The following EYS variants were observed in gnomAD, a reference collection of about 807,000 sequenced individuals.
The protein encoded by EYS is EGF-like photoreceptor maintenance factor, also known as protein eyes shut homolog.
In EYS, 250 loss-of-function variants were observed where a neutral mutation model predicts 282.1. The observed-to-expected ratio is 0.89, with a 90% CI of 0.80 to 0.98. EYS has a LOEUF of 0.98. EYS is among the 50% of genes least tolerant of loss of function. The pLI is 0.00. For synonymous variants in EYS, 1,355 were observed against 1,282.9 expected (o/e 1.06, Z -1.20); for missense variants, 4,016 against 3,709.0 (o/e 1.08, Z -2.15).
At position 64,362,237 on chromosome 6, in the gene EYS, A is replaced by C. The variant is rs563371400; in HGVS notation, c.6078+26453T>G. Among the ~76,000 whole-genome samples, 8 of 151,956 alleles carry C rather than the reference A, an allele frequency of 5.3e-5. No individual in the cohort carries two copies. The East Asian group carries it at 1.6e-3, about 30-fold the overall frequency. On this transcript the variant is annotated intron_variant, in intron 29 of 42. Transcript: ENST00000503581. ...ACATAGAAAAATAATTTGCATAAGC[A>C]ACAAAATCTATACAGAAAATAACTA...
At chr6:63,785,019 T>C (rs1328448328) in intron 39 of EYS, among the ~76,000 whole-genome samples, 2 of 152,194 alleles carry the variant, frequency 1.3e-5, no homozygotes, top group Non-Finnish European at 2.9e-5. Context: ...CCTGAGTTTC[T>C]GGTTCAATTA....
chr6:65,062,881 A>G (rs926858264), intron 12 of EYS, among the ~76,000 whole-genome samples: 3 of 151,986 alleles, frequency 2.0e-5, no homozygotes, highest in African/African-American at 7.2e-5. Flanking sequence ...ATAGACATGC[A>G]TGTATATGGG....
chr6:65,650,335 T>C (rs1387796), intron 1 of EYS, among the ~76,000 whole-genome samples: 53,063 of 152,100 alleles, frequency 0.35, 11,654 homozygotes, highest in Non-Finnish European at 0.48. Flanking sequence ...GTTATAAGGC[T>C]ATACTCATAA....
chr6:64,442,534 G>T (rs901561234), intron 26 of EYS, among the ~76,000 whole-genome samples: 2 of 152,194 alleles, frequency 1.3e-5, no homozygotes, highest in African/African-American at 4.8e-5. Context: ...CATGTCAGAG[G>T]TCTTCATGGC....
In EYS at chr6:63,721,086, A is replaced by G. The variant is rs1768364712; in HGVS notation, c.8945T>C (p.Ile2982Thr). Residue 2982 changes from isoleucine (I) to threonine (T), a missense_variant, in exon 43 of 43, where the codon ATA becomes ACA. By Grantham distance (89) the Ile-to-Thr change is moderately conservative. Transcript: ENST00000503581. ...TTTAGTGGTACTGAAATTTAAGGAT[A>G]TAGTAGTGAACTGGAGGTTTCTCAT... ...YRMRNLQFTT[I>T]SLNFSTTKTE... The G allele has an allele frequency of 6.4e-7, 1 of 1,551,244 alleles. No individual in the cohort carries two copies.
intron 11 of EYS, among the ~76,000 whole-genome samples, chr6:65,333,694 C>A (rs1769877715): frequency 6.6e-6 from 1 of 151,204 alleles, no homozygotes; most frequent in Admixed American, 6.6e-5. Flanking sequence ...TTTTTAGCTT[C>A]ATTATTTTGA....
intron 11 of EYS, among the ~76,000 whole-genome samples, chr6:65,305,431 C>T (rs1421716355): frequency 6.6e-6 from 1 of 152,194 alleles, no homozygotes. Context: ...CCCACTCAGT[C>T]TGTGTTAGAT....
At chr6:63,865,107 C>T (rs748064574) in intron 35 of EYS, among the ~76,000 whole-genome samples, 4 of 152,152 alleles carry the variant, frequency 2.6e-5, no homozygotes, top group Non-Finnish European at 4.4e-5. Context: ...AGTCTCCACT[C>T]GGTGCCAATC....
chr6:65,106,358 A>G (rs1333820442), intron 12 of EYS, among the ~76,000 whole-genome samples: 1 of 151,946 alleles, frequency 6.6e-6, no homozygotes, highest in East Asian at 1.9e-4. Flanking sequence ...GTAATGTGAC[A>G]TTACCACTGA....
intron 2 of EYS, among the ~76,000 whole-genome samples, chr6:65,539,242 T>G (rs1768072899): frequency 6.6e-6 from 1 of 152,220 alleles, no homozygotes; most frequent in South Asian, 2.1e-4. Flanking sequence ...TCAGAACACA[T>G]CTCATAGAAT....
intron 19 of EYS, among the ~76,000 whole-genome samples, chr6:64,826,118 C>T (rs1583197911): frequency 6.6e-6 from 1 of 151,724 alleles, no homozygotes; most frequent in South Asian, 2.1e-4. Flanking sequence ...ATTAATTTAT[C>T]TAATGCATAT....
At chr6:64,836,895 T>C (rs1413088041) in intron 19 of EYS, among the ~76,000 whole-genome samples, 1 of 151,648 alleles carries the variant, frequency 6.6e-6, no homozygotes, top group Non-Finnish European at 1.5e-5. Context: ...AAGTGAGACA[T>C]TGGAAAATAT....
At position 65,643,814 on chromosome 6, in the gene EYS, C is replaced by T. The variant is rs533066047; in HGVS notation, c.-447-3922G>A. Among the ~76,000 whole-genome samples, 91 of 152,008 alleles carry T rather than the reference C, an allele frequency of 6.0e-4. 1 individual carries two copies. The highest frequency in any genetic ancestry group is 2.0e-3 in the African/African-American group (84 of 41,438). ...TGCTTGGTGGCTAGATCCAAAAAAG[C>T]GAAAACAATCACTGAAGTTCACCTC... On this transcript the variant is annotated intron_variant, in intron 1 of 42. Coordinates refer to ENST00000503581, the MANE Select transcript of EYS (RefSeq NM_001142800.2).
At chr6:65,500,995 CA>C (rs1366500680) in intron 2 of EYS, among the ~76,000 whole-genome samples, 4 of 151,932 alleles carry the variant, frequency 2.6e-5, no homozygotes. Flanking sequence ...TGCTTTTTAA[CA>C]TGCTTAAATG....
At chr6:65,558,652 A>G (rs1253210898) in intron 2 of EYS, among the ~76,000 whole-genome samples, 2 of 152,238 alleles carry the variant, frequency 1.3e-5, no homozygotes, top group Non-Finnish European at 2.9e-5. Flanking sequence ...CAAGATGAAC[A>G]ACAAGAATAC....
chr6:64,690,840 G>T (rs1254322318), intron 22 of EYS, among the ~76,000 whole-genome samples: 2 of 151,988 alleles, frequency 1.3e-5, no homozygotes, highest in Admixed American at 6.6e-5. Flanking sequence ...GGGGTGGGGG[G>T]AGCGGGGAGG....
intron 5 of EYS, among the ~76,000 whole-genome samples, chr6:65,432,091 G>A (rs1767909658): frequency 6.6e-6 from 1 of 152,042 alleles, no homozygotes. Flanking sequence ...ATCCATAAAA[G>A]TAAGATAAAT....
At chr6:64,706,193 C>A (rs1771007595) in intron 22 of EYS, among the ~76,000 whole-genome samples, 1 of 151,908 alleles carries the variant, frequency 6.6e-6, no homozygotes, top group Non-Finnish European at 1.5e-5. Context: ...TAATCTTCAA[C>A]AAAGCAAACA....
At chr6:64,854,319 T>A (rs1339539236) in intron 19 of EYS, among the ~76,000 whole-genome samples, 1 of 152,146 alleles carries the variant, frequency 6.6e-6, no homozygotes, top group Non-Finnish European at 1.5e-5. Context: ...ATTGCGGCAC[T>A]ATTCACAATA....
Sources: gnomAD v4.1 joint callset for allele counts (sites outside exome capture counted in the v4.1 genomes callset) on GRCh38, gnomAD v4.1.1 for gene constraint, MANE v1.5 for transcripts, NCBI Gene and HGNC (gene_info 2026-07-23, HGNC 2026-07-21) for gene names.